KCNA6: variants seen among roughly 807,000 people sequenced by gnomAD.
KCNA6 encodes the protein human brain potassium channel-2.
KCNA6 carries 17 observed loss-of-function variants against 29.5 expected under a neutral mutation model. The observed-to-expected ratio is 0.58, with a 90% CI of 0.39 to 0.86. The LOEUF (loss-of-function observed/expected upper bound fraction) is 0.86. Among genes scored for constraint, KCNA6 ranks in the 40% least tolerant of loss-of-function variants. The pLI is 0.00. For synonymous variants in KCNA6, 296 were observed against 304.7 expected, an observed-to-expected ratio of 0.97 and a Z score of 0.30; for missense variants, 450 against 703.4, an observed-to-expected ratio of 0.64 and a Z score of 4.07.
At chr12:4,816,386 C>T (rs1243912840), downstream of KCNA6, among the ~76,000 whole-genome samples, 1 of 151,568 alleles carries the variant, frequency 6.6e-6, no homozygotes, top group African/African-American at 2.4e-5. Flanking sequence ...TATGTCATGC[C>T]ATTTTTTGGG....
the KCNA6 span, among the ~76,000 whole-genome samples, chr12:4,846,791 T>A: frequency 4.5e-5 from 1 of 22,258 alleles, no homozygotes; most frequent in Non-Finnish European, 1.1e-4. Context: ...TTTTTTTTTT[T>A]AATTTGAGAC....
the KCNA6 span, among the ~76,000 whole-genome samples, chr12:4,849,532 C>G: frequency 8.8e-6 from 1 of 114,268 alleles, no homozygotes; most frequent in Non-Finnish European, 1.7e-5. Context: ...TTTGCAAGAG[C>G]TATTGCACCC....
chr12:4,836,033 G>A, the KCNA6 span, among the ~76,000 whole-genome samples: 1 of 150,410 alleles, frequency 6.6e-6, no homozygotes, highest in African/African-American at 2.4e-5. Context: ...TCCACCTCCT[G>A]GGTTCAAGTG....
the KCNA6 span, among the ~76,000 whole-genome samples, chr12:4,828,826 G>C: frequency 3.3e-5 from 5 of 152,186 alleles, no homozygotes; most frequent in Non-Finnish European, 7.4e-5. Context: ...GGATGAAAGA[G>C]CTAAAATGAA....
At chr12:4,847,253 AC>A in the KCNA6 span, among the ~76,000 whole-genome samples, 1 of 152,092 alleles carries the variant, frequency 6.6e-6, no homozygotes, top group Non-Finnish European at 1.5e-5. Flanking sequence ...ATGATGCTAT[AC>A]CTTGATGTAG....
At chr12:4,842,389 G>A in the KCNA6 span, 1 of 152,282 alleles carries the variant, frequency 6.6e-6, no homozygotes, top group Admixed American at 6.5e-5. Flanking sequence ...TGGAGCCACA[G>A]GATGAATGCC....
the KCNA6 span, among the ~76,000 whole-genome samples, chr12:4,825,568 A>G: frequency 2.0e-5 from 3 of 152,206 alleles, no homozygotes; most frequent in Admixed American, 1.3e-4. Context: ...ACCCTCAGCC[A>G]TGAAAGGTTT....
At chr12:4,824,077 G>T in the KCNA6 span, among the ~76,000 whole-genome samples, 1 of 152,176 alleles carries the variant, frequency 6.6e-6, no homozygotes, top group African/African-American at 2.4e-5. Flanking sequence ...ACCTCACTGA[G>T]CCTTGGTTTT....
At chr12:4,850,340 G>A in the KCNA6 span, among the ~76,000 whole-genome samples, 4 of 152,174 alleles carry the variant, frequency 2.6e-5, no homozygotes, top group African/African-American at 9.7e-5. The surrounding 1 kb of genome is among the most constrained non-coding windows in gnomAD (Gnocchi z 5.4). Context: ...AGGTGTCAGG[G>A]AGCAGTGAGA....
chr12:4,826,336 G>T, the KCNA6 span, among the ~76,000 whole-genome samples: 1 of 152,164 alleles, frequency 6.6e-6, no homozygotes, highest in Non-Finnish European at 1.5e-5. Flanking sequence ...TCACCAACTG[G>T]TCCAGGCTGA....
the KCNA6 span, among the ~76,000 whole-genome samples, chr12:4,845,521 G>GTGTAGGA: frequency 1.3e-5 from 2 of 152,126 alleles, no homozygotes; most frequent in Admixed American, 6.5e-5. Flanking sequence ...TGGACATTAG[G>GTGTAGGA]CACACGGTTC....
chr12:4,845,129 C>T, the KCNA6 span, among the ~76,000 whole-genome samples: 3 of 152,172 alleles, frequency 2.0e-5, no homozygotes, highest in South Asian at 6.2e-4. Context: ...TTTTCCTTCC[C>T]TTCTACATTG....
At chr12:4,835,996 A>G in the KCNA6 span, among the ~76,000 whole-genome samples, 11 of 149,860 alleles carry the variant, frequency 7.3e-5, no homozygotes, top group African/African-American at 2.2e-4. Flanking sequence ...CTGGAATGCA[A>G]TGGCACAACC....
At chr12:4,816,260 G>A (rs919007369), downstream of KCNA6, among the ~76,000 whole-genome samples, 1 of 100,070 alleles carries the variant, frequency 1.0e-5, no homozygotes, top group Non-Finnish European at 2.0e-5. Context: ...GTGTGTGTGT[G>A]TGTGTGTGTG....
chr12:4,830,421 A>C, the KCNA6 span, among the ~76,000 whole-genome samples: 2 of 152,210 alleles, frequency 1.3e-5, no homozygotes, highest in Non-Finnish European at 2.9e-5. Context: ...GGATAACCTG[A>C]AAGCCCACCT....
chr12:4,843,081 A>G, the KCNA6 span, among the ~76,000 whole-genome samples: 1 of 152,208 alleles, frequency 6.6e-6, no homozygotes, highest in South Asian at 2.1e-4. Context: ...GGCATTAATA[A>G]TACAAAATAG....
the KCNA6 span, among the ~76,000 whole-genome samples, chr12:4,842,323 A>T: frequency 6.6e-6 from 1 of 152,140 alleles, no homozygotes; most frequent in South Asian, 2.1e-4. Context: ...CATGGTAAGT[A>T]TGAGCACGGT....
chr12:4,817,144 G>C (rs1032765540), downstream of KCNA6, among the ~76,000 whole-genome samples: 1 of 152,220 alleles, frequency 6.6e-6, no homozygotes, highest in African/African-American at 2.4e-5. Flanking sequence ...GGGGAGGAAA[G>C]TGTCCTCCAA....
chr12:4,843,988 G>C, the KCNA6 span, among the ~76,000 whole-genome samples: 7 of 152,278 alleles, frequency 4.6e-5, no homozygotes, highest in Non-Finnish European at 1.0e-4. Flanking sequence ...AAACCAGCTT[G>C]CCCATGTCTC....
Sources: gnomAD v4.1 joint callset for allele counts (sites outside exome capture counted in the v4.1 genomes callset) on GRCh38, gnomAD v4.1.1 for gene constraint, Gnocchi (gnomAD v3.1) non-coding constraint, MANE v1.5 for transcripts, NCBI Gene and HGNC (gene_info 2026-07-23, HGNC 2026-07-21) for gene names.